PTPRD: variants seen among roughly 807,000 people sequenced by gnomAD.
The protein encoded by PTPRD is receptor-type tyrosine-protein phosphatase delta.
A neutral mutation model predicts 214.5 loss-of-function variants in PTPRD; 34 were observed. That is an observed-to-expected ratio of 0.16 (90% CI 0.12 to 0.21). The LOEUF is 0.21. Among genes scored for constraint, PTPRD ranks in the 10% least tolerant of loss-of-function variants. The pLI is 1.00. For missense variants in PTPRD, 2,545 were observed against 2,398.7 expected (o/e 1.06, Z -1.27); for synonymous variants, 1,128 against 845.7 (o/e 1.33, Z -5.79).
chr9:10,045,033 C>A lies in PTPRD; in HGVS notation c.-544-11243G>T, dbSNP rs368525197. 2.6e-5 allele frequency among the ~76,000 whole-genome samples: 4 copies of A among 151,744 alleles called. No homozygotes were observed. The East Asian group carries it at 7.8e-4, about 29-fold the overall frequency. On this transcript the variant is annotated intron_variant, in intron 3 of 45. Transcript: ENST00000381196. ...TTCCAGATGGTATGCATAGTCAATG[C>A]AGAAATTGCTCACTATGTATTTTGG...
In PTPRD at chr9:9,980,608, C is replaced by CAAAAA. The variant is rs750547585; in HGVS notation, c.-471-42003_-471-41999dup. 1.4e-3 allele frequency among the ~76,000 whole-genome samples: 16 copies of CAAAAA among 11,280 alleles called. 5 individuals are homozygous for CAAAAA. Among genetic ancestry groups the CAAAAA allele is most frequent in the African/African-American group, 4.7e-3 (13 of 2,756 alleles). The allele number at this position is 11,280 out of a possible 152,430, so 7.4% of individuals were successfully genotyped here. A position where few individuals can be genotyped will look rare whatever the true frequency, so the allele number is the denominator to read the frequency against. ...TGGGTAACAGAGTGAGACACCTTGTCAAAAAAAAACAAAAAAAAAAAAAAA... is the reference window on the plus strand; with the variant it reads ...TGGGTAACAGAGTGAGACACCTTGTCAAAAAAAAAAAAAACAAAAAAAAAAAAAAA... On this transcript the variant is annotated intron_variant, in intron 4 of 45. Coordinates refer to ENST00000381196, the MANE Select transcript of PTPRD (RefSeq NM_002839.4).
chr9:9,781,361 A>G (rs2098841288), intron 5 of PTPRD, among the ~76,000 whole-genome samples: 1 of 152,198 alleles, frequency 6.6e-6, no homozygotes, highest in Admixed American at 6.5e-5. Flanking sequence ...ATTTAATAGT[A>G]TATATGATTT....
At position 8,315,636 on chromosome 9, in the gene PTPRD, A is replaced by AC; in HGVS notation, c.*2237_*2238insG. 4.4e-6 allele frequency: 1 copy of AC among 228,014 alleles called. No homozygotes were observed. The highest frequency in any genetic ancestry group is 8.7e-6 in the Non-Finnish European group (1 of 114,572). The allele number at this position is 228,014 out of a possible 1,614,324, so 14.1% of individuals were successfully genotyped here. A position where few individuals can be genotyped will look rare whatever the true frequency, so the allele number is the denominator to read the frequency against. On this transcript the variant is annotated 3_prime_UTR_variant, in exon 46 of 46. Transcript: ENST00000381196. ...TCTAGATACTTTTTTTTAGTATTATATATATTTTCTTTTTTTTCTTTTTCT... is the reference window on the plus strand; with the variant it reads ...TCTAGATACTTTTTTTTAGTATTATACTATATTTTCTTTTTTTTCTTTTTCT...
At chr9:8,972,921 G>C (rs531694759) in intron 11 of PTPRD, among the ~76,000 whole-genome samples, 7 of 151,568 alleles carry the variant, frequency 4.6e-5, no homozygotes, top group African/African-American at 1.7e-4. Context: ...CAATGTTTTA[G>C]AGACGTTTAA....
At chr9:10,235,368 T>C (rs1422621763) in intron 3 of PTPRD, among the ~76,000 whole-genome samples, 1 of 152,006 alleles carries the variant, frequency 6.6e-6, no homozygotes, top group African/African-American at 2.4e-5. Context: ...ATCATCACTG[T>C]GTTCCATTTA....
intron 3 of PTPRD, among the ~76,000 whole-genome samples, chr9:10,272,589 G>A (rs2094480366): frequency 6.6e-6 from 1 of 152,164 alleles, no homozygotes; most frequent in African/African-American, 2.4e-5. Flanking sequence ...TATATATTTT[G>A]TTAAGAGACA....
At chr9:9,764,511 G>A (rs1281723467) in intron 6 of PTPRD, among the ~76,000 whole-genome samples, 3 of 152,084 alleles carry the variant, frequency 2.0e-5, no homozygotes, top group Non-Finnish European at 4.4e-5. Flanking sequence ...ACTTACAAGT[G>A]TATATTAGAA....
chr9:10,201,141 T>C (rs910887502), intron 3 of PTPRD, among the ~76,000 whole-genome samples: 2 of 151,902 alleles, frequency 1.3e-5, no homozygotes, highest in African/African-American at 4.8e-5. Flanking sequence ...GAAAAGACAG[T>C]GCAATGGTGA....
At chr9:8,620,402 T>C (rs1244847620) in intron 14 of PTPRD, among the ~76,000 whole-genome samples, 2 of 152,082 alleles carry the variant, frequency 1.3e-5, no homozygotes, top group African/African-American at 4.8e-5. Flanking sequence ...AATTCATTTG[T>C]TGAATTTTAG....
At chr9:8,574,893 G>T (rs1473338983) in intron 14 of PTPRD, among the ~76,000 whole-genome samples, 1 of 151,850 alleles carries the variant, frequency 6.6e-6, no homozygotes, top group African/African-American at 2.4e-5. Flanking sequence ...ATTTAAAAAG[G>T]AAGAATATGC....
At position 9,808,279 on chromosome 9, in the gene PTPRD, T is replaced by C. The variant is rs919401367; in HGVS notation, c.-367-41428A>G. Among the ~76,000 whole-genome samples the C allele has an allele frequency of 1.6e-4, 24 of 152,190 alleles. 1 individual carries two copies. The highest frequency in any genetic ancestry group is 4.1e-4 in the African/African-American group (17 of 41,456). ...TTAAATTAAATTGGAAGTCCCTACATCTTCCTCAGATACAAGAACTTTTTA... is the reference window on the plus strand; with the variant it reads ...TTAAATTAAATTGGAAGTCCCTACACCTTCCTCAGATACAAGAACTTTTTA... On this transcript the variant is annotated intron_variant, in intron 5 of 45. Coordinates refer to ENST00000381196, the MANE Select transcript of PTPRD (RefSeq NM_002839.4).
chr9:9,068,224 C>G (rs1157020242), intron 10 of PTPRD, among the ~76,000 whole-genome samples: 1 of 151,968 alleles, frequency 6.6e-6, no homozygotes, highest in Non-Finnish European at 1.5e-5. Context: ...AATGGTGTAT[C>G]ACAGTTTTTT....
intron 3 of PTPRD, among the ~76,000 whole-genome samples, chr9:10,309,979 T>C (rs374404856): frequency 6.6e-6 from 1 of 152,042 alleles, no homozygotes; most frequent in African/African-American, 2.4e-5. Context: ...AATGAAATAA[T>C]ATGTTCAGAG....
intron 44 of PTPRD, among the ~76,000 whole-genome samples, chr9:8,328,025 G>A (rs990905436): frequency 6.6e-6 from 1 of 152,144 alleles, no homozygotes; most frequent in Non-Finnish European, 1.5e-5. Context: ...TACATTTAAG[G>A]TTAATAAGGT....
intron 11 of PTPRD, among the ~76,000 whole-genome samples, chr9:8,944,366 A>G (rs1203667091): frequency 2.0e-5 from 3 of 152,132 alleles, no homozygotes; most frequent in African/African-American, 7.2e-5. Context: ...AATTAAACAT[A>G]GAACTATCAT....
chr9:8,949,095 G>A (rs1652161335), intron 11 of PTPRD, among the ~76,000 whole-genome samples: 2 of 151,488 alleles, frequency 1.3e-5, no homozygotes. Flanking sequence ...GTAGTGGCGG[G>A]CACCTGTAAT....
intron 35 of PTPRD, among the ~76,000 whole-genome samples, chr9:8,407,058 TTC>T (rs2093053899): frequency 6.6e-6 from 1 of 152,340 alleles, no homozygotes; most frequent in South Asian, 2.1e-4. Flanking sequence ...TCATGTCCAT[TTC>T]CACTCTTGCC....
chr9:10,280,775 A>ATT (rs35974453), intron 3 of PTPRD, among the ~76,000 whole-genome samples: 10 of 147,780 alleles, frequency 6.8e-5, no homozygotes, highest in African/African-American at 9.9e-5. Context: ...ACACATGGCA[A>ATT]TTTTTTTTTT....
rs2132086748 is a variant in PTPRD, at chr9:10,479,699, CT to C, written c.-600+132698del. 1.5e-5 allele frequency among the ~76,000 whole-genome samples: 2 copies of C among 131,874 alleles called. 1 individual carries two copies. Among genetic ancestry groups the C allele is most frequent in the South Asian group, 4.4e-4 (2 of 4,506 alleles). The allele number at this position is 131,874 out of a possible 152,430, so 86.5% of individuals were successfully genotyped here. A position where few individuals can be genotyped will look rare whatever the true frequency, so the allele number is the denominator to read the frequency against. The stretch of plus-strand genomic sequence containing the variant: ...AATTTGCCAAGCATAGTGGTGTGCA[CT>C]GGTAGTCCCAGCTACTTGGGAGGCT... On this transcript the variant is annotated intron_variant, in intron 2 of 45. Coordinates refer to ENST00000381196, the MANE Select transcript of PTPRD (RefSeq NM_002839.4).
Sources: gnomAD v4.1 joint callset for allele counts (sites outside exome capture counted in the v4.1 genomes callset) on GRCh38, gnomAD v4.1.1 for gene constraint, MANE v1.5 for transcripts, NCBI Gene and HGNC (gene_info 2026-07-23, HGNC 2026-07-21) for gene names.